SH3PXD2A: variants seen among roughly 807,000 people sequenced by gnomAD.
The protein encoded by SH3PXD2A is SH3 and PX domain-containing protein 2A.
Under a neutral mutation model 115.2 loss-of-function variants are expected in SH3PXD2A, and 32 were observed. The ratio of observed to expected loss-of-function variants is 0.28; its 90% CI spans 0.21 to 0.37. The LOEUF is 0.37. Ranked by LOEUF, SH3PXD2A falls within the 10% of genes least tolerant of loss-of-function variation. The probability of loss-of-function intolerance (pLI) is 1.00; values close to 1 mark genes in which losing one functional copy is unlikely to be tolerated. For synonymous variants in SH3PXD2A, 610 were observed against 629.1 expected (o/e 0.97, Z 0.45); for missense variants, 1,328 against 1,498.7 (o/e 0.89, Z 1.88).
chr10:103,684,846 T>G (rs2037656955), intron 6 of SH3PXD2A, among the ~76,000 whole-genome samples: 1 of 151,374 alleles, frequency 6.6e-6, no homozygotes, highest in South Asian at 2.1e-4. Context: ...CTGGGCAACA[T>G]AGCGAGACCC....
At chr10:103,668,695 CAG>C (rs10533306) in intron 6 of SH3PXD2A, 43 bp from the exon 7 acceptor site, 1,295,681 of 1,507,756 alleles carry the variant, frequency 0.86, 559,529 homozygotes, top group East Asian at 1. Context: ...AGAGGAGAAC[CAG>C]AGAGAGAGAA....
At chr10:103,747,179 GCAAATACAGCTCA>G (rs2038514259) in intron 3 of SH3PXD2A, 1 of 152,630 alleles carries the variant, frequency 6.6e-6, no homozygotes, top group African/African-American at 2.4e-5. Context: ...TGGCAGACTA[GCAAATACAGCTCA>G]CCCCACACAT....
intron 1 of SH3PXD2A, among the ~76,000 whole-genome samples, chr10:103,829,058 G>T (rs1406191658): frequency 6.6e-6 from 1 of 152,136 alleles, no homozygotes; most frequent in Admixed American, 6.5e-5. Context: ...GTTCCATGCT[G>T]CTGGGTTCTT....
intron 1 of SH3PXD2A, among the ~76,000 whole-genome samples, chr10:103,847,009 GA>G (rs1842853982): frequency 6.6e-6 from 1 of 152,248 alleles, no homozygotes; most frequent in African/African-American, 2.4e-5. Flanking sequence ...ATCCATATGA[GA>G]TGCTTAGCAC....
At position 103,744,131 on chromosome 10, in the gene SH3PXD2A, C is replaced by T. The variant is rs1029764161; in HGVS notation, c.230-8323G>A. Among the ~76,000 whole-genome samples, 22 of 151,440 alleles carry T rather than the reference C, an allele frequency of 1.5e-4. No homozygotes were observed. In the East Asian group the frequency reaches 3.9e-3, roughly 27 times the overall value. ...CCTGCCTAGGCTAGGGTGGGAGTGG[C>T]TGAATGGCAGGCCCCTGCTTGTCTT... On this transcript the variant is annotated intron_variant, in intron 3 of 14. Transcript: ENST00000369774.
intron 3 of SH3PXD2A, among the ~76,000 whole-genome samples, chr10:103,739,480 T>A (rs112395479): frequency 0.015 from 2,310 of 152,110 alleles, 70 homozygotes; most frequent in African/African-American, 0.053. Context: ...AGGGAGGGCC[T>A]GGAAGGGATT....
Position 103,596,445 on chromosome 10 carries a change from AT to A in SH3PXD2A, c.*5370del, listed in dbSNP as rs2036132419. 3.3e-5 allele frequency: 5 copies of A among 151,888 alleles called. No homozygotes were observed. The Admixed American group carries it at 3.3e-4, about 10-fold the overall frequency. 9.4% of individuals were successfully genotyped at this position (151,888 alleles called of 1,614,324 possible). A position where few individuals can be genotyped will look rare whatever the true frequency, so the allele number is the denominator to read the frequency against. ...AAAATAATTACAAAAAGAAAAAAAA[AT>A]GACACATTGCACTCTCCAGCCAGAA... On this transcript the variant is annotated 3_prime_UTR_variant, in exon 15 of 15. Transcript: ENST00000369774.
At position 103,646,528 on chromosome 10, in the gene SH3PXD2A, T is replaced by C. The variant is rs1432231757; in HGVS notation, c.604+14455A>G. On this transcript the variant is annotated intron_variant, in intron 8 of 14. Coordinates refer to ENST00000369774, the MANE Select transcript of SH3PXD2A (RefSeq NM_001394015.1). The stretch of plus-strand genomic sequence containing the variant: ...AGCTCTTCCCACACTGACCTGTCAA[T>C]CTCTGGTGCCTCCCACCCCCAGCAC... Among the ~76,000 whole-genome samples the C allele has an allele frequency of 2.6e-5, 4 of 152,198 alleles. No individual in the cohort carries two copies. In the East Asian group the frequency reaches 7.7e-4, roughly 29 times the overall value.
chr10:103,728,822 C>T (rs2038275034), intron 4 of SH3PXD2A, among the ~76,000 whole-genome samples: 1 of 151,832 alleles, frequency 6.6e-6, no homozygotes, highest in Admixed American at 6.6e-5. Context: ...AACTAAAGCA[C>T]AGAGAGTTTA....
chr10:103,779,993 C>A (rs2038917012), intron 2 of SH3PXD2A, among the ~76,000 whole-genome samples: 2 of 152,272 alleles, frequency 1.3e-5, no homozygotes, highest in African/African-American at 4.8e-5. Flanking sequence ...CCCGGCTGAA[C>A]CACACCCCTA....
Position 103,602,700 on chromosome 10 carries a change from C to T in SH3PXD2A, c.2518G>A (p.Gly840Arg). 1 of 1,614,198 alleles carries T rather than the reference C, an allele frequency of 6.2e-7. No homozygotes were observed. The highest frequency in any genetic ancestry group is 8.5e-7 in the Non-Finnish European group (1 of 1,180,038). The change falls in exon 15 of 15, where the codon GGG (glycine) becomes AGG (arginine). Residue 840 changes from glycine to arginine, a missense_variant. By Grantham distance (125) the Gly-to-Arg change is moderately radical. Transcript: ENST00000369774. ...CATGTCATGTACGAGGTGGCTGGCCCTTCCCATTCCTTCTTGGTGGGACAT... is the reference window on the plus strand; with the variant it reads ...CATGTCATGTACGAGGTGGCTGGCCTTTCCCATTCCTTCTTGGTGGGACAT... ...PPCPTKKEWE[G>R]PATSYMTCSA... is the part of the protein sequence containing the mutation.
chr10:103,644,552 C>T (rs2037007288), intron 8 of SH3PXD2A, among the ~76,000 whole-genome samples: 1 of 145,924 alleles, frequency 6.9e-6, no homozygotes, highest in African/African-American at 2.6e-5. Flanking sequence ...TGCCACTGTA[C>T]TCTAGCCTGG....
chr10:103,634,781 G>C (rs748511476), intron 8 of SH3PXD2A, among the ~76,000 whole-genome samples: 1 of 152,166 alleles, frequency 6.6e-6, no homozygotes, highest in African/African-American at 2.4e-5. Flanking sequence ...AGAAAGACTC[G>C]AAGTCAGGTC....
At chr10:103,844,913 G>A (rs1564902892) in intron 1 of SH3PXD2A, among the ~76,000 whole-genome samples, 1 of 152,130 alleles carries the variant, frequency 6.6e-6, no homozygotes, top group Admixed American at 6.5e-5. Context: ...ATAAGGGCTG[G>A]GTAAAACAAG....
rs372468333 is a variant in SH3PXD2A at position 103,822,697 on chromosome 10, G to A, written c.73-21335C>T. Among the ~76,000 whole-genome samples the A allele has an allele frequency of 7.2e-4, 110 of 152,216 alleles. 1 individual carries two copies. The highest frequency in any genetic ancestry group is 2.5e-3 in the African/African-American group (105 of 41,538). ...AAACTGATCTGAATACCACCACCAA[G>A]CCCCCTTAGAGAATACCCCCTCTCT... On this transcript the variant is annotated intron_variant, in intron 1 of 14. Transcript: ENST00000369774.
At position 103,605,794 on chromosome 10, in the gene SH3PXD2A, T is replaced by C; in HGVS notation, c.1428+4A>G. On this transcript the variant is annotated splice_donor_region_variant and intron_variant, in intron 14 of 14. Transcript: ENST00000369774. ...AACCCTCGGCCTCATGGCCCAAGGC[T>C]TACCTCTGCCTTCTGTCCACCCCGA... The C allele has an allele frequency of 6.2e-7, 1 of 1,614,114 alleles. No homozygotes were observed. Among genetic ancestry groups the C allele is most frequent in the Non-Finnish European group, 8.5e-7 (1 of 1,179,934 alleles).
chr10:103,684,699 T>C (rs548011651), intron 6 of SH3PXD2A, among the ~76,000 whole-genome samples: 1 of 152,218 alleles, frequency 6.6e-6, no homozygotes, highest in Non-Finnish European at 1.5e-5. Flanking sequence ...GGTCTTGCTC[T>C]AAGCAAATTC....
At chr10:103,655,440 A>G (rs2037196511) in intron 8 of SH3PXD2A, among the ~76,000 whole-genome samples, 1 of 152,208 alleles carries the variant, frequency 6.6e-6, no homozygotes, top group Admixed American at 6.5e-5. Flanking sequence ...GTAAGCACAG[A>G]ATCTAAGCAA....
chr10:103,742,132 T>C (rs1200470238), intron 3 of SH3PXD2A, among the ~76,000 whole-genome samples: 3 of 152,080 alleles, frequency 2.0e-5, no homozygotes, highest in Non-Finnish European at 4.4e-5. Context: ...CTGGGTGACA[T>C]AGTGAGACTG....
Sources: allele counts gnomAD v4.1 joint callset (sites outside exome capture counted in the v4.1 genomes callset), GRCh38; gene constraint gnomAD v4.1.1; transcripts MANE v1.5; gene names NCBI Gene and HGNC (gene_info 2026-07-23, HGNC 2026-07-21).